Variants in SMG1 observed in about 807,000 individuals in gnomAD.
SMG1 encodes the protein serine/threonine-protein kinase SMG1.
A neutral mutation model predicts 419.9 loss-of-function variants in SMG1; 22 were observed. The ratio of observed to expected loss-of-function variants is 0.05; its 90% CI spans 0.04 to 0.07. SMG1 has a LOEUF of 0.07. Ranked by LOEUF, SMG1 falls within the 10% of genes least tolerant of loss-of-function variation. The probability of loss-of-function intolerance (pLI) is 1.00; values close to 1 mark genes in which losing one functional copy is unlikely to be tolerated. For missense variants in SMG1, 3,185 were observed against 4,342.0 expected (o/e 0.73, Z 7.49); for synonymous variants, 1,538 against 1,553.5 (o/e 0.99, Z 0.23).
At chr16:18,838,526 A>C (rs775279210) in intron 43 of SMG1, 25 bp downstream of exon 43, 4 of 1,613,834 alleles carry the variant, frequency 2.5e-6, no homozygotes, top group Non-Finnish European at 3.4e-6. Flanking sequence ...GGCCCTCATA[A>C]ATGTAAAGTC....
chr16:18,817,594 G>A, intron 56 of SMG1, 124 bp from the exon 57 acceptor site: 1 of 768,744 alleles, frequency 1.3e-6, no homozygotes, highest in Admixed American at 3.1e-5. Context: ...AATTGGTCCT[G>A]AAAATGTTTG....
At chr16:18,820,386 T>C (rs1311739524) in intron 55 of SMG1, among the ~76,000 whole-genome samples, 1 of 151,674 alleles carries the variant, frequency 6.6e-6, no homozygotes, top group Non-Finnish European at 1.5e-5. Flanking sequence ...GTATTTTCTG[T>C]AGAGACGAGG....
At chr16:18,867,731 C>T (rs1187495572) in intron 22 of SMG1, among the ~76,000 whole-genome samples, 1 of 92,122 alleles carries the variant, frequency 1.1e-5, no homozygotes, top group Non-Finnish European at 2.0e-5. Flanking sequence ...TTTTCTGAGG[C>T]GGAGTCTTGC....
intron 1 of SMG1, among the ~76,000 whole-genome samples, chr16:18,924,687 C>G (rs2038323651): frequency 6.6e-6 from 1 of 152,066 alleles, no homozygotes; most frequent in Non-Finnish European, 1.5e-5. Flanking sequence ...CTAAACATCT[C>G]AATTCTAGAC....
chr16:18,907,061 A>T (rs2037590275), intron 1 of SMG1, among the ~76,000 whole-genome samples: 1 of 152,134 alleles, frequency 6.6e-6, no homozygotes. Flanking sequence ...AGGCGGATGG[A>T]TCACTTGAGG....
chr16:18,883,335 G>A (rs1205684606), intron 9 of SMG1, among the ~76,000 whole-genome samples: 2 of 152,192 alleles, frequency 1.3e-5, no homozygotes, highest in African/African-American at 4.8e-5. Flanking sequence ...CACAAAAGCT[G>A]GCTAAAGCCA....
chr16:18,836,530 T>C lies in SMG1; in HGVS notation c.7607A>G (p.Tyr2536Cys). The C allele has an allele frequency of 6.2e-7, 1 of 1,612,746 alleles. No homozygotes were observed. The highest frequency in any genetic ancestry group is 8.5e-7 in the Non-Finnish European group (1 of 1,179,594). ...DHPSHTLQHR[Y>C]SEHTQLQTQQ... ...AGTCTGTAGTTGGGTGTGCTCAGAATACCTAATCAGGGGGACACAAACAAA... is the reference window on the plus strand; with the variant it reads ...AGTCTGTAGTTGGGTGTGCTCAGAACACCTAATCAGGGGGACACAAACAAA... Residue 2536 changes from tyrosine (Y) to cysteine (C), a missense_variant and splice_region_variant, in exon 47 of 63, where the codon TAT (tyrosine) becomes TGT (cysteine). This residue lies in a region of SMG1 where 412 missense variants were observed against 546.6 expected (regional missense o/e 0.75). Transcript: ENST00000446231.
At chr16:18,860,838 A>C (rs1168051834) in intron 25 of SMG1, 62 bp from the exon 26 acceptor site, 11 of 717,434 alleles carry the variant, frequency 1.5e-5, no homozygotes, top group African/African-American at 1.5e-4. Flanking sequence ...TTAAAAAAAA[A>C]CAAACAAAAA....
chr16:18,811,754 C>T lies in SMG1; in HGVS notation c.10908+7G>A, dbSNP rs759878482. ...AAATGTGTAGCCCAAGTTTAAAACA[C>T]GGTCACCTGTTCAGCAACTGACATC... On this transcript the variant is annotated splice_region_variant and intron_variant, in intron 62 of 62. Coordinates refer to ENST00000446231, the MANE Select transcript of SMG1 (RefSeq NM_015092.5). 1.9e-6 allele frequency: 3 copies of T among 1,612,390 alleles called. No homozygotes were observed. Among genetic ancestry groups the T allele is most frequent in the East Asian group, 2.2e-5 (1 of 44,876 alleles).
At chr16:18,878,019 A>G (rs965850858) in intron 11 of SMG1, 5 of 152,368 alleles carry the variant, frequency 3.3e-5, no homozygotes, top group African/African-American at 7.2e-5. Flanking sequence ...AGTGTTAAAT[A>G]TGTACAAATT....
intron 6 of SMG1, among the ~76,000 whole-genome samples, chr16:18,887,573 C>A (rs1298955028): frequency 8.2e-6 from 1 of 121,508 alleles, no homozygotes; most frequent in Non-Finnish European, 1.6e-5. Flanking sequence ...AGGCTGGTCT[C>A]AAACTCCTGG....
rs571487691 is a variant in SMG1, at chr16:18,848,098, G to C, written c.5624-65C>G. 5.2e-6 allele frequency: 7 copies of C among 1,338,828 alleles called. No homozygotes were observed. In the African/African-American group the frequency reaches 7.2e-5, roughly 14 times the overall value. 82.9% of individuals were successfully genotyped at this position (1,338,828 alleles called of 1,614,324 possible). A position where few individuals can be genotyped will look rare whatever the true frequency, so the allele number is the denominator to read the frequency against. On this transcript the variant is annotated intron_variant, in intron 36 of 62. Coordinates refer to ENST00000446231, the MANE Select transcript of SMG1 (RefSeq NM_015092.5). ...TCTCCCATGTGCATATGCTAGGTTA[G>C]GGAAAACACTGATAATCTATTTGAC...
Position 18,858,181 on chromosome 16 carries a change from T to A in SMG1, c.4223A>T (p.Glu1408Val). 1 of 1,562,958 alleles carries A rather than the reference T, an allele frequency of 6.4e-7. No homozygotes were observed. Among genetic ancestry groups the A allele is most frequent in the Non-Finnish European group, 8.7e-7 (1 of 1,155,672 alleles). The change falls in exon 29 of 63, where the codon GAG (glutamate) becomes GTG (valine). Residue 1408 changes from glutamate to valine, a missense_variant. Transcript: ENST00000446231. ...RYTMYQNQLL[E>V]KIKEQTVPIR... ...AAAAAACCACTTACCTTTAATTTTCTCCAACAACTGATTCTGGTACATAGT... is the reference window on the plus strand; with the variant it reads ...AAAAAACCACTTACCTTTAATTTTCACCAACAACTGATTCTGGTACATAGT...
intron 1 of SMG1, among the ~76,000 whole-genome samples, chr16:18,919,635 T>A (rs1360020019): frequency 2.7e-4 from 12 of 44,858 alleles, no homozygotes; most frequent in South Asian, 2.0e-3. Flanking sequence ...AAAAAAAAAA[T>A]GTGTGTGTGT....
At chr16:18,819,796 C>A in intron 55 of SMG1, 142 bp from the exon 56 acceptor site, 1 of 823,934 alleles carries the variant, frequency 1.2e-6, no homozygotes, top group East Asian at 3.1e-5. Context: ...TTAACAATCA[C>A]CTTTTGGAAT....
intron 1 of SMG1, among the ~76,000 whole-genome samples, chr16:18,898,120 A>G (rs374419171): frequency 2.0e-5 from 3 of 152,298 alleles, no homozygotes; most frequent in African/African-American, 7.2e-5. Context: ...TTGCTTCCAA[A>G]AATACTAAAC....
At chr16:18,809,766 G>A in intron 62 of SMG1, 120 bp from the exon 63 acceptor site, 1 of 657,438 alleles carries the variant, frequency 1.5e-6, no homozygotes. Context: ...TACTTACCCT[G>A]CTCCTGTAAG....
chr16:18,907,868 A>G (rs28522169), intron 1 of SMG1, among the ~76,000 whole-genome samples: 86 of 142,766 alleles, frequency 6.0e-4, no homozygotes, highest in African/African-American at 1.2e-3. Flanking sequence ...AAAAAAAAAA[A>G]AGAGACCCTA....
chr16:18,887,672 T>TAAAA lies in SMG1; in HGVS notation c.822+1696_822+1699dup, dbSNP rs368196825. On this transcript the variant is annotated intron_variant, in intron 6 of 62. Coordinates refer to ENST00000446231, the MANE Select transcript of SMG1 (RefSeq NM_015092.5). ...CCCAGTTAAAAATACACTTTTTATT[T>TAAAA]AAAAAAAAAAAAAAAAAAAAAAGAA... 9.7e-3 allele frequency among the ~76,000 whole-genome samples: 639 copies of TAAAA among 65,670 alleles called. 61 individuals carry two copies. The highest frequency in any genetic ancestry group is 0.036 in the African/African-American group (497 of 13,796). 43.1% of individuals were successfully genotyped at this position (65,670 alleles called of 152,430 possible). A position where few individuals can be genotyped will look rare whatever the true frequency, so the allele number is the denominator to read the frequency against.
Sources: allele counts gnomAD v4.1 joint callset (sites outside exome capture counted in the v4.1 genomes callset), GRCh38; gene constraint gnomAD v4.1.1; regional missense constraint gnomAD v4.1.1; transcripts MANE v1.5; gene names NCBI Gene and HGNC (gene_info 2026-07-23, HGNC 2026-07-21).